SHANK2: variants seen among roughly 807,000 people sequenced by gnomAD.
SHANK2 encodes the protein SH3 and multiple ankyrin repeat domains 2, also known as SH3 and multiple ankyrin repeat domains protein 2.
A neutral mutation model predicts 133.7 loss-of-function variants in SHANK2; 43 were observed. The observed-to-expected ratio is 0.32, with a 90% CI of 0.25 to 0.41. SHANK2 has a LOEUF of 0.41. SHANK2 is among the 10% of genes least tolerant of loss of function. SHANK2 has a pLI of 1.00. For synonymous variants in SHANK2, 1,017 were observed against 952.8 expected (o/e 1.07, Z -1.24); for missense variants, 1,994 against 2,235.8 (o/e 0.89, Z 2.18).
intron 15 of SHANK2, chr11:70,668,175 C>T (rs575955783): frequency 6.6e-6 from 1 of 152,320 alleles, no homozygotes; most frequent in East Asian, 1.9e-4. Context: ...TTCCTAACCC[C>T]CAGCGTCTGT....
intron 2 of SHANK2, among the ~76,000 whole-genome samples, chr11:71,206,217 G>A (rs938289179): frequency 2.0e-5 from 3 of 152,114 alleles, no homozygotes; most frequent in Non-Finnish European, 2.9e-5. Context: ...TTCCCTCTCC[G>A]GACAGGCACA....
At chr11:70,616,308 C>T (rs1437515715) in intron 17 of SHANK2, among the ~76,000 whole-genome samples, 2 of 152,006 alleles carry the variant, frequency 1.3e-5, no homozygotes. Flanking sequence ...CGTCTGTTGG[C>T]GACCCCACAC....
intron 2 of SHANK2, among the ~76,000 whole-genome samples, chr11:71,168,169 C>T (rs1326098077): frequency 7.3e-6 from 1 of 136,390 alleles, no homozygotes; most frequent in East Asian, 2.0e-4. Context: ...GGCAGAGACG[C>T]TCCTCACATC....
At chr11:70,507,408 C>G (rs1309260247) in intron 17 of SHANK2, among the ~76,000 whole-genome samples, 1 of 152,240 alleles carries the variant, frequency 6.6e-6, no homozygotes, top group Non-Finnish European at 1.5e-5. Context: ...GACTGGTGAG[C>G]CCTGTATCAA....
chr11:70,670,105 T>G (rs974828437), intron 15 of SHANK2, among the ~76,000 whole-genome samples: 4 of 152,054 alleles, frequency 2.6e-5, no homozygotes, highest in Non-Finnish European at 5.9e-5. Context: ...ACAGAGAGAC[T>G]GGGTGGTGCG....
chr11:71,113,828 T>C (rs1469602100), intron 4 of SHANK2, among the ~76,000 whole-genome samples: 1 of 152,240 alleles, frequency 6.6e-6, no homozygotes, highest in Non-Finnish European at 1.5e-5. Context: ...CCCCACCTCC[T>C]GTACTCCTGC....
At chr11:71,135,812 C>T (rs1485278035) in intron 3 of SHANK2, among the ~76,000 whole-genome samples, 2 of 152,120 alleles carry the variant, frequency 1.3e-5, no homozygotes, top group Non-Finnish European at 1.5e-5. Context: ...GGGCTGGGCT[C>T]AGCGGTGGCC....
intron 14 of SHANK2, 103 bp from the exon 15 acceptor site, chr11:70,698,866 A>T: frequency 1.4e-6 from 1 of 711,340 alleles, no homozygotes; most frequent in Non-Finnish European, 2.6e-6. Flanking sequence ...TACTCCCCAA[A>T]ATGTGAGATG....
chr11:70,773,522 A>G (rs61885461), intron 14 of SHANK2, among the ~76,000 whole-genome samples: 5,260 of 152,352 alleles, frequency 0.035, 145 homozygotes, highest in Middle Eastern at 0.082. Context: ...ATATACATTT[A>G]TGCTCAAAGG....
chr11:70,787,365 TC>T (rs1947689358), intron 14 of SHANK2, among the ~76,000 whole-genome samples: 1 of 121,862 alleles, frequency 8.2e-6, no homozygotes, highest in African/African-American at 3.2e-5. Context: ...ACCACCAGCA[TC>T]ACCATGACCA....
At chr11:70,609,015 C>A (rs1391024189) in intron 17 of SHANK2, among the ~76,000 whole-genome samples, 1 of 152,252 alleles carries the variant, frequency 6.6e-6, no homozygotes, top group South Asian at 2.1e-4. Flanking sequence ...ATCAAGAAAA[C>A]CCTGGGATGA....
At chr11:71,222,504 G>C (rs1397262017) in intron 2 of SHANK2, among the ~76,000 whole-genome samples, 1 of 152,194 alleles carries the variant, frequency 6.6e-6, no homozygotes, top group African/African-American at 2.4e-5. Context: ...CAGGGAGACA[G>C]GTCCCAGCTG....
At chr11:71,207,989 C>T (rs1000431374) in intron 2 of SHANK2, among the ~76,000 whole-genome samples, 5 of 152,032 alleles carry the variant, frequency 3.3e-5, no homozygotes, top group African/African-American at 9.7e-5. Flanking sequence ...GATTGGTGTC[C>T]GAGAGGTATA....
chr11:71,062,137 G>A (rs1950995833), intron 9 of SHANK2, among the ~76,000 whole-genome samples: 1 of 151,872 alleles, frequency 6.6e-6, no homozygotes, highest in Non-Finnish European at 1.5e-5. Flanking sequence ...TGTATTTTCT[G>A]TAGAGACAGG....
intron 17 of SHANK2, among the ~76,000 whole-genome samples, chr11:70,591,745 G>A (rs1388371670): frequency 2.6e-5 from 4 of 152,232 alleles, no homozygotes; most frequent in East Asian, 1.9e-4. Context: ...GGCCGGGCGC[G>A]GTGGCTCACA....
chr11:70,631,410 C>CACACACCCCCA (rs1555002193), intron 17 of SHANK2, among the ~76,000 whole-genome samples: 3 of 69,238 alleles, frequency 4.3e-5, no homozygotes, highest in East Asian at 7.3e-4. Context: ...ACACACACAC[C>CACACACCCCCA]CACACAACCT....
At chr11:70,590,049 G>A (rs1554987689) in intron 17 of SHANK2, among the ~76,000 whole-genome samples, 1 of 152,208 alleles carries the variant, frequency 6.6e-6, no homozygotes, top group East Asian at 1.9e-4. Flanking sequence ...CAGCTACTCG[G>A]GAGGCTGAGG....
rs554498818 is a variant in SHANK2, at chr11:71,165,046, T to G, written c.-12-17708A>C. Among the ~76,000 whole-genome samples, 565 of 152,108 alleles carry G rather than the reference T, an allele frequency of 3.7e-3. 7 individuals are homozygous for G. Among genetic ancestry groups the G allele is most frequent in the African/African-American group, 0.013 (533 of 41,486 alleles). ...TAATTTTCTTGTCTTCATTTTTTTT[T>G]TTTTTGAGATGGAGTCTCACTGTGT... On this transcript the variant is annotated intron_variant, in intron 2 of 25. Coordinates refer to ENST00000601538, the MANE Select transcript of SHANK2 (RefSeq NM_012309.5).
intron 14 of SHANK2, among the ~76,000 whole-genome samples, chr11:70,712,531 A>G (rs1945811127): frequency 6.6e-6 from 1 of 152,352 alleles, no homozygotes; most frequent in African/African-American, 2.4e-5. Context: ...AACAGGACAG[A>G]AACTATGAGG....
Sources: allele counts gnomAD v4.1 joint callset (sites outside exome capture counted in the v4.1 genomes callset), GRCh38; gene constraint gnomAD v4.1.1; transcripts MANE v1.5; gene names NCBI Gene and HGNC (gene_info 2026-07-23, HGNC 2026-07-21).